ARNT: variants seen among roughly 807,000 people sequenced by gnomAD.
The protein encoded by ARNT is aryl hydrocarbon receptor nuclear translocator.
Under a neutral mutation model 105.0 loss-of-function variants are expected in ARNT, and 30 were observed. That is an observed-to-expected ratio of 0.29 (90% CI 0.21 to 0.39). The LOEUF (loss-of-function observed/expected upper bound fraction) is 0.39. Among genes scored for constraint, ARNT ranks in the 10% least tolerant of loss-of-function variants. ARNT has a pLI of 1.00. For missense variants in ARNT, 748 were observed against 978.7 expected (o/e 0.76, Z 3.15); for synonymous variants, 304 against 344.0 (o/e 0.88, Z 1.29).
chr1:150,860,508 G>A (rs1403649565), intron 1 of ARNT, among the ~76,000 whole-genome samples: 3 of 151,248 alleles, frequency 2.0e-5, no homozygotes, highest in African/African-American at 7.3e-5. Flanking sequence ...GAGCCACCGT[G>A]CCCAGCAGAA....
chr1:150,868,254 A>C (rs1666919087), intron 1 of ARNT, among the ~76,000 whole-genome samples: 1 of 152,086 alleles, frequency 6.6e-6, no homozygotes, highest in Non-Finnish European at 1.5e-5. Flanking sequence ...CAGGAATCCA[A>C]GACCAACGTG....
intron 1 of ARNT, among the ~76,000 whole-genome samples, chr1:150,859,783 G>A (rs1235102941): frequency 6.6e-6 from 1 of 152,164 alleles, no homozygotes; most frequent in African/African-American, 2.4e-5. Context: ...ACCAAGGTGG[G>A]CAGATCACTT....
At chr1:150,853,221 C>T in intron 2 of ARNT, 2 of 325,072 alleles carry the variant, frequency 6.2e-6, no homozygotes. Flanking sequence ...GTGGAGGTTT[C>T]AGTGAGCCAA....
At chr1:150,841,850 A>C (rs1370754485) in intron 5 of ARNT, among the ~76,000 whole-genome samples, 1 of 152,256 alleles carries the variant, frequency 6.6e-6, no homozygotes, top group East Asian at 1.9e-4. Flanking sequence ...ACGTAAGTAC[A>C]GAAACCTGGT....
chr1:150,828,318 G>A (rs895794747), intron 12 of ARNT, among the ~76,000 whole-genome samples: 3 of 140,272 alleles, frequency 2.1e-5, no homozygotes, highest in African/African-American at 8.0e-5. Context: ...TAAGATCTAT[G>A]TGTTTTCATT....
In ARNT at chr1:150,839,571, C is replaced by T; in HGVS notation, c.356G>A (p.Cys119Tyr). 2 of 1,614,214 alleles carry T rather than the reference C, an allele frequency of 1.2e-6. No homozygotes were observed. Among genetic ancestry groups the T allele is most frequent in the Non-Finnish European group, 1.7e-6 (2 of 1,180,042 alleles). ...ITELSDMVPT[C>Y]SALARKPDKL... Reference sequence around the variant, plus strand: ...GTCTGGTTTTCGAGCCAGGGCACTACAGGTGGGTACCATATCTGACAGTTC... The same window carrying T: ...GTCTGGTTTTCGAGCCAGGGCACTATAGGTGGGTACCATATCTGACAGTTC... The change falls in exon 6 of 22, where the codon TGT becomes TAT. Residue 119 changes from cysteine (C) to tyrosine (Y), a missense_variant. Cys to Tyr is a radical substitution (Grantham distance 194). Transcript: ENST00000358595.
chr1:150,849,871 TC>T (rs1662991919), intron 3 of ARNT, among the ~76,000 whole-genome samples: 1 of 152,096 alleles, frequency 6.6e-6, no homozygotes, highest in African/African-American at 2.4e-5. Context: ...TCAAGACCAG[TC>T]TGGCTAACAT....
At chr1:150,832,299 G>A in intron 9 of ARNT, 35 bp downstream of exon 9, 1 of 1,607,336 alleles carries the variant, frequency 6.2e-7, no homozygotes, top group South Asian at 1.1e-5. Flanking sequence ...CAGGTATTTG[G>A]CCATCCCTTT....
Position 150,815,743 on chromosome 1 carries a change from A to T in ARNT, c.1950+516T>A, listed in dbSNP as rs1174600763. ...AGGCGCAGTGGCGGGCGCCTGTACA[A>T]GTCCCAGCTACTTGGAAGGCTGAGG... On this transcript the variant is annotated intron_variant, in intron 19 of 21. Transcript: ENST00000358595. 2.7e-5 allele frequency among the ~76,000 whole-genome samples: 4 copies of T among 150,588 alleles called. No individual in the cohort carries two copies. The East Asian group carries it at 7.8e-4, about 29-fold the overall frequency.
chr1:150,837,370 T>C (rs1187386367), intron 6 of ARNT, among the ~76,000 whole-genome samples: 1 of 152,182 alleles, frequency 6.6e-6, no homozygotes, highest in Admixed American at 6.5e-5. Context: ...TCCTGTTTGG[T>C]TTGGTTTTTG....
At chr1:150,820,317 T>C (rs927407390) in intron 14 of ARNT, among the ~76,000 whole-genome samples, 4 of 152,208 alleles carry the variant, frequency 2.6e-5, no homozygotes, top group Non-Finnish European at 5.9e-5. Context: ...ATACATAGAA[T>C]TGAAACTAAA....
chr1:150,826,250 T>C (rs1362874098), intron 13 of ARNT, among the ~76,000 whole-genome samples: 2 of 152,076 alleles, frequency 1.3e-5, no homozygotes, highest in African/African-American at 4.8e-5. Flanking sequence ...TCTACAGAGG[T>C]TGGGCGCATG....
At chr1:150,833,098 C>T (rs1423279819) in intron 8 of ARNT, among the ~76,000 whole-genome samples, 1 of 152,146 alleles carries the variant, frequency 6.6e-6, no homozygotes, top group African/African-American at 2.4e-5. Context: ...GAAATCAAAG[C>T]ACAATGTAGT....
intron 1 of ARNT, among the ~76,000 whole-genome samples, chr1:150,871,278 A>G (rs962156515): frequency 6.8e-6 from 1 of 146,992 alleles, no homozygotes; most frequent in Non-Finnish European, 1.5e-5. Context: ...TCATTATGGC[A>G]TATTAGGCAG....
chr1:150,844,092 T>C (rs1327298099), intron 4 of ARNT, among the ~76,000 whole-genome samples: 1 of 152,228 alleles, frequency 6.6e-6, no homozygotes, highest in Admixed American at 6.5e-5. Context: ...TAATAACTGA[T>C]GGCCTGACTT....
At chr1:150,830,762 G>A (rs1318466931) in intron 10 of ARNT, among the ~76,000 whole-genome samples, 1 of 152,152 alleles carries the variant, frequency 6.6e-6, no homozygotes, top group African/African-American at 2.4e-5. Flanking sequence ...CACAGAAAGG[G>A]AAGAAGACTG....
Position 150,832,402 on chromosome 1 carries a change from G to A in ARNT, c.804-3C>T. On this transcript the variant is annotated splice_polypyrimidine_tract_variant and splice_region_variant and intron_variant, in intron 8 of 21. Coordinates refer to ENST00000358595, the MANE Select transcript of ARNT (RefSeq NM_001668.4). ...GGTCCACAGAGCTACTGCCACACCT[G>A]TTTCAAGGAATAAAGAGATTAAAAG... The A allele has an allele frequency of 6.2e-7, 1 of 1,614,050 alleles. No homozygotes were observed. Among genetic ancestry groups the A allele is most frequent in the South Asian group, 1.1e-5 (1 of 91,084 alleles).
intron 1 of ARNT, among the ~76,000 whole-genome samples, chr1:150,875,112 T>C (rs1216989132): frequency 6.6e-6 from 1 of 152,234 alleles, no homozygotes; most frequent in African/African-American, 2.4e-5. Flanking sequence ...AAAAATCTTG[T>C]TTATTTATTC....
At chr1:150,826,662 A>C in intron 12 of ARNT, 45 bp from the exon 13 acceptor site, 1 of 1,370,786 alleles carries the variant, frequency 7.3e-7, no homozygotes. Context: ...TTTTTTTTTT[A>C]AGATGGAGTT....
Sources: allele counts gnomAD v4.1 joint callset (sites outside exome capture counted in the v4.1 genomes callset), GRCh38; gene constraint gnomAD v4.1.1; transcripts MANE v1.5; gene names NCBI Gene and HGNC (gene_info 2026-07-23, HGNC 2026-07-21).